The following HDAC9 variants were observed in gnomAD, a reference collection of about 807,000 sequenced individuals.
HDAC9 encodes the protein histone deacetylase 9.
HDAC9 carries 41 observed loss-of-function variants against 139.4 expected under a neutral mutation model. That is an observed-to-expected ratio of 0.29 (90% CI 0.23 to 0.38). The LOEUF (loss-of-function observed/expected upper bound fraction) is 0.38, where lower values mean the gene tolerates loss of function less well. HDAC9 is among the 10% of genes least tolerant of loss of function. The pLI is 1.00. For missense variants in HDAC9, 1,147 were observed against 1,297.0 expected (o/e 0.88, Z 1.78); for synonymous variants, 517 against 476.2 (o/e 1.09, Z -1.12).
intron 2 of HDAC9, among the ~76,000 whole-genome samples, chr7:18,239,824 A>G (rs1388210638): frequency 6.6e-6 from 1 of 152,158 alleles, no homozygotes; most frequent in African/African-American, 2.4e-5. Flanking sequence ...TTTTATCACA[A>G]TACTGGGTAA....
At chr7:18,229,430 G>T (rs1055805458) in intron 2 of HDAC9, among the ~76,000 whole-genome samples, 8 of 152,208 alleles carry the variant, frequency 5.3e-5, no homozygotes, top group Non-Finnish European at 8.8e-5. Flanking sequence ...GGATGCTGGA[G>T]TCACAACACC....
chr7:18,815,736 A>C (rs918422312), intron 17 of HDAC9, among the ~76,000 whole-genome samples: 1 of 152,206 alleles, frequency 6.6e-6, no homozygotes, highest in Admixed American at 6.5e-5. Context: ...TTTGGGATCC[A>C]CCATCCAGTT....
At chr7:18,293,826 C>G (rs1359264332) in intron 1 of HDAC9, among the ~76,000 whole-genome samples, 1 of 152,052 alleles carries the variant, frequency 6.6e-6, no homozygotes, top group Non-Finnish European at 1.5e-5. Context: ...AGATTGTTTT[C>G]TATCCTGATC....
At chr7:18,243,812 G>A (rs539578758) in intron 2 of HDAC9, among the ~76,000 whole-genome samples, 5 of 152,220 alleles carry the variant, frequency 3.3e-5, no homozygotes, top group Admixed American at 6.5e-5. Flanking sequence ...TTAAGCTTCC[G>A]TGAAAATGGA....
intron 17 of HDAC9, among the ~76,000 whole-genome samples, chr7:18,805,098 A>T (rs918874945): frequency 6.6e-6 from 1 of 152,192 alleles, no homozygotes; most frequent in Non-Finnish European, 1.5e-5. Flanking sequence ...CGCCTGGCCC[A>T]GTGGAAGATT....
chr7:18,747,013 T>A (rs1378161732), intron 13 of HDAC9, among the ~76,000 whole-genome samples: 1 of 152,034 alleles, frequency 6.6e-6, no homozygotes, highest in African/African-American at 2.4e-5. Context: ...AAATGAGGAC[T>A]GGAGTTATGG....
rs576286050 is a variant in HDAC9 at position 18,727,460 on chromosome 7, T to C, written c.1732-120T>C. Reference sequence around the variant, plus strand: ...CCTTTCTCTATTTTTTTTTTCTTTTTCCTTCACACCGTTTATTATGTCTCT... The same window carrying C: ...CCTTTCTCTATTTTTTTTTTCTTTTCCCTTCACACCGTTTATTATGTCTCT... On this transcript the variant is annotated intron_variant, in intron 12 of 25. Coordinates refer to ENST00000686413, the MANE Select transcript of HDAC9 (RefSeq NM_178425.4). The C allele has an allele frequency of 6.2e-4, 493 of 798,414 alleles. 5 individuals are homozygous for C. The African/African-American group carries it at 8.4e-3, about 14-fold the overall frequency. 49.5% of individuals were successfully genotyped at this position (798,414 alleles called of 1,614,324 possible).
chr7:18,236,281 C>T (rs912641707), intron 2 of HDAC9, among the ~76,000 whole-genome samples: 4 of 152,116 alleles, frequency 2.6e-5, no homozygotes, highest in African/African-American at 4.8e-5. Flanking sequence ...GGGCTGTAAT[C>T]GACAAGTCTT....
intron 12 of HDAC9, among the ~76,000 whole-genome samples, chr7:18,688,262 A>C (rs2129095598): frequency 6.6e-6 from 1 of 151,976 alleles, no homozygotes; most frequent in South Asian, 2.1e-4. Flanking sequence ...GATGGAGGAA[A>C]AATGCTGTTT....
At chr7:18,461,091 A>G (rs917811141) in intron 1 of HDAC9, among the ~76,000 whole-genome samples, 2 of 152,184 alleles carry the variant, frequency 1.3e-5, no homozygotes, top group Non-Finnish European at 2.9e-5. Context: ...GAAGCCTACA[A>G]CAAATCTTGC....
At chr7:18,771,494 A>G (rs1465820396) in intron 16 of HDAC9, among the ~76,000 whole-genome samples, 1 of 152,072 alleles carries the variant, frequency 6.6e-6, no homozygotes, top group Non-Finnish European at 1.5e-5. Flanking sequence ...TCTTGTCAGA[A>G]TTAAAATGTA....
intron 2 of HDAC9, among the ~76,000 whole-genome samples, chr7:18,176,106 G>C (rs961692358): frequency 6.6e-6 from 1 of 152,104 alleles, no homozygotes; most frequent in Non-Finnish European, 1.5e-5. Context: ...TTGTTTTTCA[G>C]AAAGAAATGT....
intron 17 of HDAC9, among the ~76,000 whole-genome samples, chr7:18,820,939 G>A (rs1043281438): frequency 3.3e-5 from 5 of 152,162 alleles, no homozygotes; most frequent in Non-Finnish European, 5.9e-5. Flanking sequence ...AAATACCACA[G>A]ATGCAGTAAT....
At chr7:18,941,064 C>G (rs957516772) in intron 23 of HDAC9, among the ~76,000 whole-genome samples, 1 of 152,050 alleles carries the variant, frequency 6.6e-6, no homozygotes, top group South Asian at 2.1e-4. Context: ...TCCTCTAGTA[C>G]TGCAAGTTCA....
intron 15 of HDAC9, 59 bp downstream of exon 15, chr7:18,762,336 C>T (rs1276517770): frequency 9.5e-6 from 15 of 1,580,172 alleles, no homozygotes; most frequent in African/African-American, 2.7e-5. Context: ...CATTAGTCAA[C>T]GCTGGTGTCA....
chr7:18,096,006 A>G (rs569187398), intron 1 of HDAC9, among the ~76,000 whole-genome samples: 39 of 152,344 alleles, frequency 2.6e-4, no homozygotes, highest in African/African-American at 8.9e-4. Context: ...CACATGATCA[A>G]AATTCCTCAA....
Position 18,443,326 on chromosome 7 carries a change from A to G in HDAC9, c.-41-52936A>G, listed in dbSNP as rs561014757. 2.0e-5 allele frequency among the ~76,000 whole-genome samples: 3 copies of G among 152,272 alleles called. No homozygotes were observed. In the South Asian group the frequency reaches 6.2e-4, roughly 32 times the overall value. On this transcript the variant is annotated intron_variant, in intron 1 of 3. Coordinates refer to the HDAC9 transcript ENST00000413509. ...TTATCTAGTGATTAAATGTAACTGT[A>G]TTTGCTTTGCTAGAAAATTACACCA...
At chr7:18,951,295 C>T (rs970936164) in intron 23 of HDAC9, among the ~76,000 whole-genome samples, 1 of 151,892 alleles carries the variant, frequency 6.6e-6, no homozygotes, top group Non-Finnish European at 1.5e-5. Context: ...TACATTATCA[C>T]AACTTTCTGA....
At chr7:18,273,526 G>A (rs1796524288) in intron 2 of HDAC9, among the ~76,000 whole-genome samples, 1 of 152,022 alleles carries the variant, frequency 6.6e-6, no homozygotes, top group Admixed American at 6.5e-5. Context: ...AATGGTGCTG[G>A]GACAAAAGTT....
Sources: gnomAD v4.1 joint callset for allele counts (sites outside exome capture counted in the v4.1 genomes callset) on GRCh38, gnomAD v4.1.1 for gene constraint, MANE v1.5 for transcripts, NCBI Gene and HGNC (gene_info 2026-07-23, HGNC 2026-07-21) for gene names.